MKLN1: variants seen among roughly 807,000 people sequenced by gnomAD.
MKLN1 encodes muskelin.
In MKLN1, 18 loss-of-function variants were observed where a neutral mutation model predicts 99.0. The ratio of observed to expected loss-of-function variants is 0.18; its 90% CI spans 0.13 to 0.27. The LOEUF (loss-of-function observed/expected upper bound fraction) is 0.27, where lower values mean the gene tolerates loss of function less well. Among genes scored for constraint, MKLN1 ranks in the 10% least tolerant of loss-of-function variants. The pLI is 1.00. For missense variants in MKLN1, 621 were observed against 875.9 expected (o/e 0.71, Z 3.67); for synonymous variants, 288 against 293.2 (o/e 0.98, Z 0.18).
intron 2 of MKLN1, among the ~76,000 whole-genome samples, chr7:131,156,038 T>C (rs1392451548): frequency 6.6e-6 from 1 of 152,178 alleles, no homozygotes; most frequent in Non-Finnish European, 1.5e-5. Flanking sequence ...TTTGGGAAGC[T>C]AGAAATAAAT....
intron 3 of MKLN1, among the ~76,000 whole-genome samples, chr7:131,280,872 C>T (rs577561006): frequency 6.6e-6 from 1 of 151,942 alleles, no homozygotes; most frequent in South Asian, 2.1e-4. Context: ...CTGTCTTTGT[C>T]CATGTTTTAA....
At chr7:131,275,556 TATATA>T (rs1372369391) in intron 3 of MKLN1, among the ~76,000 whole-genome samples, 3 of 26,012 alleles carry the variant, frequency 1.2e-4, no homozygotes, top group African/African-American at 5.0e-4. Flanking sequence ...TATATATATA[TATATA>T]TATATATTTT....
chr7:131,201,169 A>G (rs1796721808), intron 2 of MKLN1, among the ~76,000 whole-genome samples: 1 of 152,082 alleles, frequency 6.6e-6, no homozygotes, highest in Non-Finnish European at 1.5e-5. Flanking sequence ...ACAGGCACCC[A>G]CCACCACACC....
chr7:131,212,608 T>C (rs1796921973), intron 3 of MKLN1, among the ~76,000 whole-genome samples: 1 of 152,138 alleles, frequency 6.6e-6, no homozygotes, highest in Non-Finnish European at 1.5e-5. Flanking sequence ...TGAAAAATAG[T>C]TTAACAAACA....
chr7:131,282,043 G>A (rs1798059231), intron 3 of MKLN1, among the ~76,000 whole-genome samples: 1 of 151,972 alleles, frequency 6.6e-6, no homozygotes, highest in South Asian at 2.1e-4. Context: ...GAGGCATCAT[G>A]TTAGACACTA....
In MKLN1 at chr7:131,444,945, G is replaced by A. The variant is rs557434214; in HGVS notation, c.1396-829G>A. On this transcript the variant is annotated intron_variant, in intron 11 of 17. Coordinates refer to ENST00000352689, the MANE Select transcript of MKLN1 (RefSeq NM_013255.5). ...CTACAGGTGTGAGCCACCATGCCTG[G>A]CCTATTTTTGTGTCTTTTAAGGTTA... is the stretch of plus-strand genomic sequence containing the variant. Among the ~76,000 whole-genome samples the A allele has an allele frequency of 1.2e-4, 18 of 151,920 alleles. No individual in the cohort carries two copies. In the East Asian group the frequency reaches 3.1e-3, roughly 26 times the overall value.
At chr7:131,301,659 G>A (rs577577138) in intron 3 of MKLN1, among the ~76,000 whole-genome samples, 30 of 152,184 alleles carry the variant, frequency 2.0e-4, no homozygotes, top group Non-Finnish European at 3.7e-4. Flanking sequence ...TCCTTGTCAC[G>A]TAGGACAGCC....
intron 11 of MKLN1, among the ~76,000 whole-genome samples, chr7:131,444,120 G>A (rs1399112391): frequency 1.3e-5 from 2 of 151,992 alleles, no homozygotes; most frequent in African/African-American, 4.8e-5. Context: ...ATGGTCAGGA[G>A]CAGTGGATCA....
At chr7:131,388,733 A>G (rs1794109073) in intron 3 of MKLN1, 151 bp from the exon 4 acceptor site, 3 of 542,168 alleles carry the variant, frequency 5.5e-6, no homozygotes, top group Non-Finnish European at 9.8e-6. Context: ...TTTGACCTAT[A>G]TGCCCATGTT....
At chr7:131,478,777 C>A in intron 17 of MKLN1, 100 bp downstream of exon 17, 1 of 1,320,482 alleles carries the variant, frequency 7.6e-7, no homozygotes, top group Non-Finnish European at 1.1e-6. Flanking sequence ...ATGTTTCAGT[C>A]AAATAGATGA....
intron 3 of MKLN1, among the ~76,000 whole-genome samples, chr7:131,235,600 A>G (rs1386931475): frequency 6.6e-6 from 1 of 152,200 alleles, no homozygotes; most frequent in African/African-American, 2.4e-5. Context: ...CCGGAAAGGA[A>G]AAGGAAATTC....
At chr7:131,300,472 G>A (rs1798359969) in intron 3 of MKLN1, among the ~76,000 whole-genome samples, 1 of 151,372 alleles carries the variant, frequency 6.6e-6, no homozygotes, top group Non-Finnish European at 1.5e-5. Flanking sequence ...CTTGAGGCCA[G>A]GAGTTCAAGA....
chr7:131,317,555 T>G (rs200025540), intron 3 of MKLN1, among the ~76,000 whole-genome samples: 2 of 151,944 alleles, frequency 1.3e-5, no homozygotes. Context: ...AACTAATGTG[T>G]AAAATAACCA....
At chr7:131,200,506 C>T (rs1796711541) in intron 2 of MKLN1, among the ~76,000 whole-genome samples, 2 of 152,194 alleles carry the variant, frequency 1.3e-5, no homozygotes, top group Non-Finnish European at 2.9e-5. Flanking sequence ...CTCCCCCTTA[C>T]TTGCATTTGA....
chr7:131,368,050 A>G (rs1428933203), intron 1 of MKLN1, among the ~76,000 whole-genome samples: 1 of 152,188 alleles, frequency 6.6e-6, no homozygotes, highest in Non-Finnish European at 1.5e-5. Context: ...AATACAAGGG[A>G]GGATAATAAT....
chr7:131,233,030 G>A (rs879094560), intron 3 of MKLN1, among the ~76,000 whole-genome samples: 9 of 152,142 alleles, frequency 5.9e-5, no homozygotes, highest in Non-Finnish European at 7.4e-5. Context: ...AGAAAGTGGC[G>A]TAAGTGTTTA....
At chr7:131,387,567 A>AT (rs1439766903) in intron 3 of MKLN1, among the ~76,000 whole-genome samples, 4 of 152,180 alleles carry the variant, frequency 2.6e-5, no homozygotes, top group African/African-American at 4.8e-5. Flanking sequence ...CTTTAATGAA[A>AT]TTTTTTGCTA....
intron 8 of MKLN1, among the ~76,000 whole-genome samples, chr7:131,423,680 A>C (rs556287506): frequency 6.6e-6 from 1 of 152,166 alleles, no homozygotes; most frequent in Admixed American, 6.5e-5. Context: ...GTTTTTCTTG[A>C]TGTTCCTTAA....
chr7:131,405,474 G>A (rs1248122077), intron 6 of MKLN1, among the ~76,000 whole-genome samples: 1 of 151,992 alleles, frequency 6.6e-6, no homozygotes, highest in Non-Finnish European at 1.5e-5. Context: ...TCTGTTTACT[G>A]TTGTCTTCCT....
Sources: allele counts gnomAD v4.1 joint callset (sites outside exome capture counted in the v4.1 genomes callset), GRCh38; gene constraint gnomAD v4.1.1; transcripts MANE v1.5; gene names NCBI Gene and HGNC (gene_info 2026-07-23, HGNC 2026-07-21).